The following GARNL3 variants were observed in gnomAD, a reference collection of about 807,000 sequenced individuals.
GARNL3 encodes the protein GTPase-activating Rap/Ran-GAP domain-like protein 3.
A neutral mutation model predicts 125.0 loss-of-function variants in GARNL3; 63 were observed. The observed-to-expected ratio is 0.50, with a 90% CI of 0.41 to 0.62. The LOEUF (loss-of-function observed/expected upper bound fraction) is 0.62, where lower values mean the gene tolerates loss of function less well. GARNL3 is among the 20% of genes least tolerant of loss of function. The pLI, the probability that GARNL3 is intolerant of heterozygous loss-of-function variation, is 0.00. For synonymous variants in GARNL3, 439 were observed against 457.5 expected (o/e 0.96, Z 0.52); for missense variants, 994 against 1,244.0 (o/e 0.80, Z 3.02).
chr9:127,330,671 G>T (rs1277767222), intron 7 of GARNL3, among the ~76,000 whole-genome samples: 1 of 152,150 alleles, frequency 6.6e-6, no homozygotes, highest in East Asian at 1.9e-4. Context: ...TTCTCCGATG[G>T]AGAATAACAG....
At chr9:127,295,062 G>A (rs961647984) in intron 2 of GARNL3, among the ~76,000 whole-genome samples, 6 of 152,110 alleles carry the variant, frequency 3.9e-5, no homozygotes, top group East Asian at 1.9e-4. Context: ...TTCAATTTCC[G>A]GTCAGTTGCA....
intron 4 of GARNL3, among the ~76,000 whole-genome samples, chr9:127,316,220 C>T (rs1395486374): frequency 1.3e-5 from 2 of 152,098 alleles, no homozygotes. Flanking sequence ...GCCACACATT[C>T]CCCCGAGCTG....
chr9:127,379,839 T>C (rs550740157), intron 22 of GARNL3, among the ~76,000 whole-genome samples: 4 of 152,334 alleles, frequency 2.6e-5, no homozygotes, highest in African/African-American at 9.6e-5. Context: ...ACATTTATCT[T>C]GCTTATTCAT....
At chr9:127,264,479 C>T, upstream of GARNL3, 1 of 987,212 alleles carries the variant, frequency 1.0e-6, no homozygotes, top group Non-Finnish European at 1.2e-6. Flanking sequence ...GTTTCTTTCT[C>T]TTACTTAAAA....
At chr9:127,374,276 G>A (rs1197057728) in intron 22 of GARNL3, among the ~76,000 whole-genome samples, 1 of 151,876 alleles carries the variant, frequency 6.6e-6, no homozygotes, top group East Asian at 1.9e-4. Context: ...GCTCCAGCCT[G>A]GGCAACAAGA....
intron 25 of GARNL3, chr9:127,388,670 G>T: frequency 1.8e-6 from 1 of 551,894 alleles, no homozygotes; most frequent in Non-Finnish European, 3.2e-6. Context: ...TTTTTCCTGT[G>T]CAGTCACGAG....
At chr9:127,357,945 C>T (rs1009147348) in intron 21 of GARNL3, among the ~76,000 whole-genome samples, 2 of 152,108 alleles carry the variant, frequency 1.3e-5, no homozygotes, top group African/African-American at 2.4e-5. Context: ...GGGGTGGGTA[C>T]TGCACCCTCC....
intron 6 of GARNL3, among the ~76,000 whole-genome samples, chr9:127,322,022 T>A (rs1366761243): frequency 2.6e-5 from 4 of 152,202 alleles, no homozygotes; most frequent in African/African-American, 9.7e-5. Context: ...ATGTAATTTT[T>A]AAAATAGTAT....
In GARNL3 at chr9:127,320,786, A is replaced by G; in HGVS notation, c.567+8A>G. On this transcript the variant is annotated splice_region_variant and intron_variant, in intron 6 of 27. Transcript: ENST00000373387. Reference sequence around the variant, plus strand: ...CATCCTGAAATACAAAAGGTAACAGAAAATTTTATGCTTCATAATTGTACA... The same window carrying G: ...CATCCTGAAATACAAAAGGTAACAGGAAATTTTATGCTTCATAATTGTACA... The G allele has an allele frequency of 1.3e-6, 2 of 1,565,690 alleles. No individual in the cohort carries two copies. Among genetic ancestry groups the G allele is most frequent in the Non-Finnish European group, 1.8e-6 (2 of 1,136,166 alleles).
intron 26 of GARNL3, among the ~76,000 whole-genome samples, chr9:127,389,748 C>G (rs765745697): frequency 6.6e-6 from 1 of 151,596 alleles, no homozygotes; most frequent in Non-Finnish European, 1.5e-5. Flanking sequence ...TGGTGAAACC[C>G]CATCTCTATA....
intron 5 of GARNL3, 130 bp downstream of exon 5, chr9:127,318,257 G>A: frequency 1.4e-6 from 1 of 714,462 alleles, no homozygotes; most frequent in Admixed American, 2.0e-5. Context: ...GTTTTGCTAA[G>A]CACTTGACAT....
At chr9:127,337,790 G>C (rs577896691) in intron 11 of GARNL3, among the ~76,000 whole-genome samples, 2 of 152,306 alleles carry the variant, frequency 1.3e-5, no homozygotes, top group Non-Finnish European at 2.9e-5. Flanking sequence ...TGTACTTCCA[G>C]GCAAGGGAAC....
intron 1 of GARNL3, among the ~76,000 whole-genome samples, chr9:127,272,914 T>C (rs1259479752): frequency 2.0e-5 from 3 of 152,238 alleles, no homozygotes; most frequent in African/African-American, 4.8e-5. Context: ...TTTTCTGTGA[T>C]GTAGAATTTT....
chr9:127,267,129 C>G (rs1168016717), intron 1 of GARNL3, among the ~76,000 whole-genome samples: 2 of 152,174 alleles, frequency 1.3e-5, no homozygotes, highest in African/African-American at 2.4e-5. Flanking sequence ...AGGACCTCAG[C>G]TAGGTCATCA....
rs1000035887 is a variant in GARNL3 at position 127,266,308 on chromosome 9, G to A, written c.144+1287G>A. ...AAGACCTTGCAGAGAGCTGTGGGAT[G>A]TGGATTGGTGGCAGAGAGGATAGAC... On this transcript the variant is annotated intron_variant, in intron 1 of 27. Transcript: ENST00000373387. The surrounding 1 kb of genome is among the most constrained non-coding windows in gnomAD (Gnocchi z 4.0). 1.3e-5 allele frequency among the ~76,000 whole-genome samples: 2 copies of A among 152,340 alleles called. No homozygotes were observed. Among genetic ancestry groups the A allele is most frequent in the African/African-American group, 4.8e-5 (2 of 41,578 alleles).
At chr9:127,338,182 G>A (rs756831129) in intron 12 of GARNL3, 21 bp downstream of exon 12, 4 of 1,572,984 alleles carry the variant, frequency 2.5e-6, no homozygotes, top group Admixed American at 3.3e-5. Context: ...ACTTTGTCTC[G>A]ATTGCTTGTC....
chr9:127,288,870 C>A (rs2064328159), intron 1 of GARNL3, among the ~76,000 whole-genome samples: 1 of 152,196 alleles, frequency 6.6e-6, no homozygotes, highest in South Asian at 2.1e-4. Flanking sequence ...ATAGTCAGGA[C>A]TGTCTCTAGC....
rs1160047211 is a variant in GARNL3 at position 127,383,521 on chromosome 9, T to C, written c.2245T>C (p.Trp749Arg). 2 of 1,613,224 alleles carry C rather than the reference T, an allele frequency of 1.2e-6. No individual in the cohort carries two copies. Among genetic ancestry groups the C allele is most frequent in the Non-Finnish European group, 1.7e-6 (2 of 1,179,576 alleles). The change falls in exon 23 of 28, where the codon TGG becomes CGG. Residue 749 changes from tryptophan to arginine, a missense_variant. Coordinates refer to ENST00000373387, the MANE Select transcript of GARNL3 (RefSeq NM_032293.5). ...QPSASDFQFC[W>R]NQAPYAIVCA... Reference sequence around the variant, plus strand: ...TTCTGCGTCAGATTTCCAGTTCTGTTGGAACCAGGCTCCCTATGCAATTGG... The same window carrying C: ...TTCTGCGTCAGATTTCCAGTTCTGTCGGAACCAGGCTCCCTATGCAATTGG...
chr9:127,293,240 A>G (rs2064480345), intron 2 of GARNL3, among the ~76,000 whole-genome samples: 2 of 152,360 alleles, frequency 1.3e-5, no homozygotes, highest in East Asian at 1.9e-4. Context: ...AGGACTCACT[A>G]TATATAGTTG....
Sources: allele counts gnomAD v4.1 joint callset (sites outside exome capture counted in the v4.1 genomes callset), GRCh38; gene constraint gnomAD v4.1.1; non-coding constraint Gnocchi (gnomAD v3.1); transcripts MANE v1.5; gene names NCBI Gene and HGNC (gene_info 2026-07-23, HGNC 2026-07-21).